The following UGT2B15 variants were observed in gnomAD, a reference collection of about 807,000 sequenced individuals.
UGT2B15 encodes the protein UDP glucuronosyltransferase family 2 member B15.
A neutral mutation model predicts 45.9 loss-of-function variants in UGT2B15; 36 were observed. The ratio of observed to expected loss-of-function variants is 0.78; its 90% confidence interval spans 0.60 to 1.04. UGT2B15 has a LOEUF of 1.04. Ranked by LOEUF, UGT2B15 falls within the 50% of genes least tolerant of loss-of-function variation. The pLI, the probability that UGT2B15 is intolerant of heterozygous loss-of-function variation, is 0.00. For synonymous variants in UGT2B15, 219 were observed against 216.4 expected, an observed-to-expected ratio of 1.01 and a Z score of -0.11; for missense variants, 617 against 622.4, an observed-to-expected ratio of 0.99 and a Z score of 0.09.
At chr4:68,663,935 T>C (rs1283308326) in intron 2 of UGT2B15, among the ~76,000 whole-genome samples, 1 of 152,106 alleles carries the variant, frequency 6.6e-6, no homozygotes, top group Non-Finnish European at 1.5e-5. Context: ...TCTCAGGTCA[T>C]TGCTTAGGTA....
At position 68,669,890 on chromosome 4, in the gene UGT2B15, C is replaced by T. The variant is rs1733249479; in HGVS notation, c.724+5G>A. ...TAATAAGCACCAGTTAGACACATGA[C>T]TTACCTAGAACTTCACTATAAAACT... is the stretch of plus-strand genomic sequence containing the variant. On this transcript the variant is annotated splice_donor_5th_base_variant and intron_variant, in intron 1 of 5. Coordinates refer to ENST00000338206, the MANE Select transcript of UGT2B15 (RefSeq NM_001076.4). 6.3e-7 allele frequency: 1 copy of T among 1,598,804 alleles called. No individual in the cohort carries two copies. Among genetic ancestry groups the T allele is most frequent in the Non-Finnish European group, 8.5e-7 (1 of 1,176,032 alleles).
At chr4:68,664,113 A>T (rs527739554) in intron 2 of UGT2B15, among the ~76,000 whole-genome samples, 1 of 152,026 alleles carries the variant, frequency 6.6e-6, no homozygotes, top group Non-Finnish European at 1.5e-5. Flanking sequence ...CTCACCCCCT[A>T]GAGTAGCTCC....
chr4:68,662,438 A>C (rs1026339), intron 3 of UGT2B15, among the ~76,000 whole-genome samples: 25,069 of 146,524 alleles, frequency 0.17, 2,572 homozygotes, highest in Admixed American at 0.28. Context: ...GTACCTCCAG[A>C]GCAGTGGCTA....
chr4:68,647,467 T>A (rs1486838697), intron 5 of UGT2B15, 84 bp from the exon 6 acceptor site: 22 of 1,411,512 alleles, frequency 1.6e-5, no homozygotes, highest in Non-Finnish European at 2.1e-5. Context: ...CTTTGAAAAG[T>A]GTCACACAAA....
chr4:68,654,197 T>A lies in UGT2B15; in HGVS notation c.1153A>T (p.Ile385Phe), dbSNP rs1409040989. The change falls in exon 5 of 6, where the codon ATC becomes TTC. Residue 385 changes from isoleucine (I) to phenylalanine (F), a missense_variant. Physicochemically the swap from Ile to Phe is conservative, Grantham distance 21. Transcript: ENST00000338206. ...HGGTNGIYEA[I>F]YHGIPMVGIP... ...CCCACCATAGGGATCCCATGGTAGA[T>A]CGCCTCATAGATGCCATTGGTTCCA... 6.2e-7 allele frequency: 1 copy of A among 1,613,520 alleles called. No individual in the cohort carries two copies. Among genetic ancestry groups the A allele is most frequent in the East Asian group, 2.2e-5 (1 of 44,894 alleles).
At chr4:68,660,525 A>G (rs1732932415) in intron 3 of UGT2B15, among the ~76,000 whole-genome samples, 1 of 151,796 alleles carries the variant, frequency 6.6e-6, no homozygotes, top group East Asian at 1.9e-4. Context: ...TCCTCTGTAT[A>G]CAATAATCAG....
At position 68,647,221 on chromosome 4, in the gene UGT2B15, C is replaced by A. The variant is rs756857611; in HGVS notation, c.1476G>T (p.Leu492Phe). The change falls in exon 6 of 6, where the codon TTG (leucine) becomes TTT (phenylalanine). Residue 492 changes from leucine (L) to phenylalanine (F), a missense_variant. Around this residue, in one of 3 missense-constraint regions of UGT2B15, gnomAD observed 265 missense variants for 245.1 expected, o/e 1.08. Coordinates refer to ENST00000338206, the MANE Select transcript of UGT2B15 (RefSeq NM_001076.4). ...AGGCCAGCAGGAATGCTATCACATCCAAAGAGTGGTACTGGATCCAGGTGA... is the reference window on the plus strand; with the variant it reads ...AGGCCAGCAGGAATGCTATCACATCAAAAGAGTGGTACTGGATCCAGGTGA... ...HNLTWIQYHSLDVIAFLLACV... is the reference protein window; with the variant it reads ...HNLTWIQYHSFDVIAFLLACV... The A allele has an allele frequency of 9.3e-6, 15 of 1,613,796 alleles. 1 individual carries two copies. The highest frequency in any genetic ancestry group is 1.3e-5 in the Non-Finnish European group (15 of 1,179,916).
At chr4:68,651,093 C>G in intron 5 of UGT2B15, among the ~76,000 whole-genome samples, 1 of 143,288 alleles carries the variant, frequency 7.0e-6, no homozygotes, top group Admixed American at 7.4e-5. Context: ...TTCCCTCATT[C>G]TGTAGGTTGC....
At chr4:68,667,707 C>G (rs149334260) in intron 2 of UGT2B15, among the ~76,000 whole-genome samples, 3,751 of 152,194 alleles carry the variant, frequency 0.025, 153 homozygotes, top group African/African-American at 0.085. Context: ...TACCTTTATT[C>G]TCTGAAAATC....
intron 5 of UGT2B15, among the ~76,000 whole-genome samples, chr4:68,647,971 C>T (rs977116294): frequency 6.6e-6 from 1 of 152,010 alleles, no homozygotes; most frequent in Non-Finnish European, 1.5e-5. Context: ...ATTCTCCTGC[C>T]TCTGCCTCCC....
intron 2 of UGT2B15, among the ~76,000 whole-genome samples, chr4:68,664,318 T>C (rs973917989): frequency 4.0e-5 from 6 of 150,790 alleles, no homozygotes; most frequent in African/African-American, 1.5e-4. Flanking sequence ...GACCCATAAG[T>C]TTCCTGGATA....
intron 5 of UGT2B15, among the ~76,000 whole-genome samples, chr4:68,651,645 G>A (rs1017168238): frequency 2.0e-5 from 3 of 151,944 alleles, no homozygotes; most frequent in African/African-American, 4.8e-5. Flanking sequence ...TTCCCCAGTT[G>A]CTTGTTTTTG....
Position 68,655,271 on chromosome 4 carries a change from G to A in UGT2B15, c.1006-89C>T. ...TTCTGAAGAGATTAATAATCAGTTA[G>A]TTAATCCATATAAAAGATGAAGAAA... On this transcript the variant is annotated intron_variant, in intron 3 of 5. Transcript: ENST00000338206. 7.0e-6 allele frequency: 10 copies of A among 1,418,712 alleles called. No individual in the cohort carries two copies. The South Asian group carries it at 1.1e-4, about 16-fold the overall frequency. The allele number at this position is 1,418,712 out of a possible 1,614,324, so 87.9% of individuals were successfully genotyped here.
intron 3 of UGT2B15, 108 bp from the exon 4 acceptor site, chr4:68,655,290 G>A (rs1732772480): frequency 7.6e-7 from 1 of 1,318,796 alleles, no homozygotes; most frequent in South Asian, 1.4e-5. Context: ...TATAAAAGAT[G>A]AAGAAATAAG....
At chr4:68,669,822 AT>A in intron 1 of UGT2B15, 72 bp downstream of exon 1, 7 of 1,518,388 alleles carry the variant, frequency 4.6e-6, no homozygotes, top group Non-Finnish European at 6.2e-6. Flanking sequence ...CTGACATTAT[AT>A]TTATATAAGC....
intron 1 of UGT2B15, among the ~76,000 whole-genome samples, chr4:68,669,094 T>C (rs1733226094): frequency 6.6e-6 from 1 of 151,906 alleles, no homozygotes; most frequent in East Asian, 1.9e-4. Context: ...CTGAAATCTT[T>C]ACACCTACTA....
chr4:68,661,739 G>A (rs1254586784), intron 3 of UGT2B15, among the ~76,000 whole-genome samples: 1 of 152,004 alleles, frequency 6.6e-6, no homozygotes, highest in Non-Finnish European at 1.5e-5. Context: ...ATTTCAAGTG[G>A]CAGTGTTTGA....
At chr4:68,652,686 C>A (rs1217084623) in intron 5 of UGT2B15, among the ~76,000 whole-genome samples, 2 of 149,068 alleles carry the variant, frequency 1.3e-5, no homozygotes, top group South Asian at 2.1e-4. Context: ...AACATTGAAA[C>A]CTTTGTATTT....
At chr4:68,652,603 G>A (rs1368859555) in intron 5 of UGT2B15, among the ~76,000 whole-genome samples, 2 of 151,448 alleles carry the variant, frequency 1.3e-5, no homozygotes, top group African/African-American at 4.8e-5. Flanking sequence ...ATGGTAGCTG[G>A]TCTAGGCACA....
Sources: gnomAD v4.1 joint callset for allele counts (sites outside exome capture counted in the v4.1 genomes callset) on GRCh38, gnomAD v4.1.1 for gene constraint, gnomAD v4.1.1 regional missense constraint, MANE v1.5 for transcripts, NCBI Gene and HGNC (gene_info 2026-07-23, HGNC 2026-07-21) for gene names.